Variants in FNDC3B observed in about 807,000 individuals in gnomAD.
FNDC3B encodes fibronectin type III domain-containing protein 3B.
A neutral mutation model predicts 151.5 loss-of-function variants in FNDC3B; 12 were observed. That is an observed-to-expected ratio of 0.08 (90% CI 0.05 to 0.13). FNDC3B has a LOEUF of 0.13. FNDC3B is among the 10% of genes least tolerant of loss of function. FNDC3B has a pLI of 1.00. For synonymous variants in FNDC3B, 528 were observed against 549.0 expected (o/e 0.96, Z 0.54); for missense variants, 1,214 against 1,505.3 (o/e 0.81, Z 3.20).
At chr3:172,162,657 T>TG (rs1264666127) in intron 3 of FNDC3B, among the ~76,000 whole-genome samples, 3 of 86,632 alleles carry the variant, frequency 3.5e-5, no homozygotes, top group Admixed American at 1.1e-4. Flanking sequence ...TGTTATTACC[T>TG]GGTTTTTTTT....
At chr3:172,326,517 TTTTG>T (rs1331467606) in intron 11 of FNDC3B, among the ~76,000 whole-genome samples, 3 of 152,164 alleles carry the variant, frequency 2.0e-5, no homozygotes, top group East Asian at 1.9e-4. Context: ...AAGATTTATG[TTTTG>T]TTTGTTTGTT....
In FNDC3B at chr3:172,347,309, G is replaced by T; in HGVS notation, c.2462G>T (p.Arg821Leu). 6.2e-7 allele frequency: 1 copy of T among 1,613,972 alleles called. No homozygotes were observed. The highest frequency in any genetic ancestry group is 1.1e-5 in the South Asian group (1 of 91,064). The change falls in exon 21 of 26, where the codon CGT becomes CTT. Residue 821 changes from arginine (R) to leucine (L), a missense_variant. By Grantham distance (102) the Arg-to-Leu change is moderately radical. Around this residue, in one of 7 missense-constraint regions of FNDC3B, gnomAD observed 380 missense variants for 420.9 expected, o/e 0.90. Transcript: ENST00000415807. ...CTCATTTATCATGGGACAGACACCC[G>T]TTTTGAAATAAGAGACCTGTTGCCT... ...LELIYHGTDT[R>L]FEIRDLLPAA...
chr3:172,124,438 G>T (rs895246387), intron 2 of FNDC3B, among the ~76,000 whole-genome samples: 1 of 152,232 alleles, frequency 6.6e-6, no homozygotes, highest in Non-Finnish European at 1.5e-5. Flanking sequence ...AGAAAGATAA[G>T]TGTCACACCA....
chr3:172,134,378 T>C (rs763829532), intron 3 of FNDC3B: 2 of 518,662 alleles, frequency 3.9e-6, no homozygotes, highest in Non-Finnish European at 7.7e-6. Flanking sequence ...AGGCACTGTT[T>C]ATGATAGCTC....
intron 6 of FNDC3B, among the ~76,000 whole-genome samples, chr3:172,283,055 T>C (rs932750490): frequency 3.9e-5 from 6 of 152,238 alleles, no homozygotes; most frequent in African/African-American, 1.2e-4. Context: ...AGCAAGGTGA[T>C]GATGCATAGA....
intron 1 of FNDC3B, among the ~76,000 whole-genome samples, chr3:172,062,390 C>T (rs1193586096): frequency 1.3e-5 from 2 of 151,606 alleles, no homozygotes; most frequent in African/African-American, 4.9e-5. Context: ...CAGCTCATTG[C>T]AACCTCCGCC....
chr3:172,378,156 G>A (rs1735248796), intron 23 of FNDC3B, 114 bp from the exon 24 acceptor site: 3 of 746,334 alleles, frequency 4.0e-6, no homozygotes, highest in South Asian at 4.3e-5. Flanking sequence ...AATTCAGAAT[G>A]TATGGAAAGC....
chr3:172,056,076 C>T (rs543671066), intron 1 of FNDC3B, among the ~76,000 whole-genome samples: 3 of 152,266 alleles, frequency 2.0e-5, no homozygotes, highest in East Asian at 1.9e-4. Flanking sequence ...CCACTGCGCC[C>T]GGCCTGTTCC....
chr3:172,126,865 T>C (rs1490946564), intron 2 of FNDC3B: 1 of 306,092 alleles, frequency 3.3e-6, no homozygotes. Flanking sequence ...ATTAGAAGCA[T>C]TTCCAAGTAA....
At chr3:172,076,040 AG>A (rs1480174838) in intron 1 of FNDC3B, among the ~76,000 whole-genome samples, 1 of 152,140 alleles carries the variant, frequency 6.6e-6, no homozygotes, top group Admixed American at 6.5e-5. Context: ...TACAGGCTTA[AG>A]GTCCCAGTTT....
At chr3:172,258,994 T>C (rs1728510469) in intron 6 of FNDC3B, among the ~76,000 whole-genome samples, 1 of 152,196 alleles carries the variant, frequency 6.6e-6, no homozygotes, top group African/African-American at 2.4e-5. Flanking sequence ...AGTATCTGCT[T>C]CCCTTACTGC....
chr3:172,042,855 G>T (rs1716156525), intron 1 of FNDC3B, among the ~76,000 whole-genome samples: 1 of 150,228 alleles, frequency 6.7e-6, no homozygotes, highest in African/African-American at 2.5e-5. Flanking sequence ...TTTTGAAATG[G>T]AGTCTCGCTC....
At chr3:172,322,572 T>G (rs1171508404) in intron 11 of FNDC3B, among the ~76,000 whole-genome samples, 1 of 152,248 alleles carries the variant, frequency 6.6e-6, no homozygotes, top group Non-Finnish European at 1.5e-5. Context: ...CTTTTGGTCC[T>G]GAGAAACCAT....
Position 172,400,995 on chromosome 3 carries a change from T to A in FNDC3B, c.*3520T>A, listed in dbSNP as rs1011165019. ...TGGAGTGCAGTGACCCAATCTCGGCTCACTGCAAGCTCCACCTCCCGGGTT... is the reference window on the plus strand; with the variant it reads ...TGGAGTGCAGTGACCCAATCTCGGCACACTGCAAGCTCCACCTCCCGGGTT... On this transcript the variant is annotated 3_prime_UTR_variant, in exon 26 of 26. Transcript: ENST00000415807. The A allele has an allele frequency of 6.7e-6, 1 of 149,452 alleles. No homozygotes were observed. The highest frequency in any genetic ancestry group is 6.8e-5 in the Admixed American group (1 of 14,756). 9.3% of individuals were successfully genotyped at this position (149,452 alleles called of 1,614,324 possible).
chr3:172,222,030 ATTAT>A (rs1468086773), intron 3 of FNDC3B, among the ~76,000 whole-genome samples: 2 of 152,206 alleles, frequency 1.3e-5, no homozygotes, highest in African/African-American at 4.8e-5. Context: ...TTATCACATC[ATTAT>A]TTCATCTTTG....
chr3:172,138,923 C>T (rs1296735182), intron 3 of FNDC3B, among the ~76,000 whole-genome samples: 1 of 152,208 alleles, frequency 6.6e-6, no homozygotes, highest in African/African-American at 2.4e-5. Flanking sequence ...GCTTGTTCTC[C>T]ATAAGACTTC....
At chr3:172,362,512 C>A in intron 22 of FNDC3B, 121 bp from the exon 23 acceptor site, 1 of 773,540 alleles carries the variant, frequency 1.3e-6, no homozygotes, top group Non-Finnish European at 2.1e-6. Flanking sequence ...ACTTGTTTTT[C>A]TTCATTCTAT....
intron 6 of FNDC3B, among the ~76,000 whole-genome samples, chr3:172,281,153 CA>C (rs1402910385): frequency 5.3e-5 from 8 of 151,678 alleles, no homozygotes; most frequent in African/African-American, 1.9e-4. Flanking sequence ...CCTATATCTG[CA>C]AAACAAAATG....
chr3:172,307,917 C>T (rs9846134), intron 10 of FNDC3B, among the ~76,000 whole-genome samples: 28,046 of 152,108 alleles, frequency 0.18, 2,721 homozygotes, highest in South Asian at 0.29. Flanking sequence ...TCATAAGCAA[C>T]ACGTATAAGT....
Sources: gnomAD v4.1 joint callset for allele counts (sites outside exome capture counted in the v4.1 genomes callset) on GRCh38, gnomAD v4.1.1 for gene constraint, gnomAD v4.1.1 regional missense constraint, MANE v1.5 for transcripts, NCBI Gene and HGNC (gene_info 2026-07-23, HGNC 2026-07-21) for gene names.